GALNT16: variants seen among roughly 807,000 people sequenced by gnomAD.
GALNT16 encodes UDP-GalNAc:polypeptide N-acetylgalactosaminyltransferase-like protein 1.
A neutral mutation model predicts 76.1 loss-of-function variants in GALNT16; 40 were observed. That is an observed-to-expected ratio of 0.53 (90% CI 0.41 to 0.68). The LOEUF (loss-of-function observed/expected upper bound fraction) is 0.68. Ranked by LOEUF, GALNT16 falls within the 30% of genes least tolerant of loss-of-function variation. The pLI is 0.00. For missense variants in GALNT16, 621 were observed against 731.9 expected, an observed-to-expected ratio of 0.85 and a Z score of 1.75; for synonymous variants, 276 against 285.2, an observed-to-expected ratio of 0.97 and a Z score of 0.32.
intron 2 of GALNT16, among the ~76,000 whole-genome samples, chr14:69,322,976 GTGTGTGCGCGCGCACGCGCGCACGCA>G (rs1465490829): frequency 0.092 from 4,699 of 51,168 alleles, 275 homozygotes; most frequent in African/African-American, 0.27. Context: ...GTGTGTGTGT[GTGTGTGCGCGCGCACGCGCGCACGCA>G]TGCACACGTG....
At chr14:69,262,239 G>GCA (rs1430051340) in intron 1 of GALNT16, among the ~76,000 whole-genome samples, 1 of 152,204 alleles carries the variant, frequency 6.6e-6, no homozygotes, top group Non-Finnish European at 1.5e-5. Flanking sequence ...AGGGAAGAGA[G>GCA]CACAGGAGAC....
the GALNT16 span, chr14:69,380,616 G>A: frequency 1.2e-6 from 2 of 1,611,070 alleles, no homozygotes; most frequent in Admixed American, 3.3e-5. Context: ...TATAAGGCTG[G>A]TATGTCTGGG....
chr14:69,371,293 G>A, the GALNT16 span, among the ~76,000 whole-genome samples: 22 of 151,828 alleles, frequency 1.4e-4, no homozygotes, highest in Non-Finnish European at 2.2e-4. Context: ...TCACTCTGTC[G>A]CCAGGCTGGA....
At chr14:69,351,675 A>G in intron 14 of GALNT16, 1 of 172,418 alleles carries the variant, frequency 5.8e-6, no homozygotes, top group Non-Finnish European at 1.2e-5. Context: ...TTGGAAGGCC[A>G]AGACAGGTGG....
At chr14:69,314,467 T>C (rs1287403155) in intron 1 of GALNT16, among the ~76,000 whole-genome samples, 2 of 152,210 alleles carry the variant, frequency 1.3e-5, no homozygotes, top group Non-Finnish European at 2.9e-5. Flanking sequence ...AGCAGACTCC[T>C]GAGGGACCCT....
At chr14:69,270,690 G>A (rs143171345) in intron 1 of GALNT16, among the ~76,000 whole-genome samples, 1 of 152,166 alleles carries the variant, frequency 6.6e-6, no homozygotes, top group Non-Finnish European at 1.5e-5. Flanking sequence ...CACTTCTGAC[G>A]CCTCACACAT....
chr14:69,366,771 A>T, the GALNT16 span, among the ~76,000 whole-genome samples: 1 of 152,224 alleles, frequency 6.6e-6, no homozygotes, highest in South Asian at 2.1e-4. Context: ...CTAATTGATT[A>T]ATGAATCACA....
chr14:69,293,734 G>C (rs987140466), intron 1 of GALNT16, among the ~76,000 whole-genome samples: 1 of 152,110 alleles, frequency 6.6e-6, no homozygotes, highest in Non-Finnish European at 1.5e-5. Context: ...TGAGGCTTAA[G>C]CGCATTAATA....
intron 1 of GALNT16, among the ~76,000 whole-genome samples, chr14:69,311,708 G>C (rs1265714503): frequency 2.0e-5 from 3 of 152,066 alleles, no homozygotes; most frequent in Admixed American, 2.0e-4. Context: ...CTCTGTTTTT[G>C]GCTCTCTCTT....
chr14:69,366,927 A>C, the GALNT16 span, among the ~76,000 whole-genome samples: 19 of 152,364 alleles, frequency 1.2e-4, no homozygotes, highest in African/African-American at 3.8e-4. Context: ...CCATGTCAGA[A>C]CATGCTGGGG....
At chr14:69,283,843 C>T (rs2044575563) in intron 1 of GALNT16, among the ~76,000 whole-genome samples, 1 of 152,186 alleles carries the variant, frequency 6.6e-6, no homozygotes, top group African/African-American at 2.4e-5. Context: ...TGTATTCATT[C>T]ATTTAAGATA....
intron 1 of GALNT16, among the ~76,000 whole-genome samples, chr14:69,273,695 A>G (rs1174874803): frequency 6.6e-6 from 1 of 152,202 alleles, no homozygotes; most frequent in African/African-American, 2.4e-5. Flanking sequence ...AATCCTAGCT[A>G]AGGAGATGTG....
Position 69,333,313 on chromosome 14 carries a change from A to C in GALNT16, c.863+144A>C. On this transcript the variant is annotated intron_variant, in intron 8 of 14. Transcript: ENST00000448469. This position sits in a 1 kb window ranked among gnomAD's most constrained non-coding sequence, Gnocchi z 4.2. Reference sequence around the variant, plus strand: ...TTCTGGGCCTTCGGACCCTGTATGCAGGGACAGCGAGGACAGAGGCCACGG... The same window carrying C: ...TTCTGGGCCTTCGGACCCTGTATGCCGGGACAGCGAGGACAGAGGCCACGG... The C allele has an allele frequency of 1.4e-6, 1 of 697,374 alleles. No individual in the cohort carries two copies. The highest frequency in any genetic ancestry group is 2.5e-6 in the Non-Finnish European group (1 of 397,324). 43.2% of individuals were successfully genotyped at this position (697,374 alleles called of 1,614,324 possible).
chr14:69,347,001 G>A (rs200433944), intron 12 of GALNT16, 39 bp from the exon 13 acceptor site: 21 of 1,613,420 alleles, frequency 1.3e-5, no homozygotes, highest in African/African-American at 4.0e-5. Flanking sequence ...TAAGCCTTGG[G>A]GGGGAAAGCA....
chr14:69,280,616 C>T (rs115593026), intron 1 of GALNT16, among the ~76,000 whole-genome samples: 2,097 of 152,212 alleles, frequency 0.014, 56 homozygotes, highest in African/African-American at 0.048. Context: ...TGAGGAATCA[C>T]CATAACTTTT....
the GALNT16 span, among the ~76,000 whole-genome samples, chr14:69,362,236 A>C: frequency 6.6e-6 from 1 of 152,168 alleles, no homozygotes; most frequent in East Asian, 1.9e-4. Flanking sequence ...CCTCCTGGCC[A>C]GGGGTATTTG....
At chr14:69,326,693 C>A (rs574510870) in intron 5 of GALNT16, among the ~76,000 whole-genome samples, 1 of 152,362 alleles carries the variant, frequency 6.6e-6, no homozygotes, top group Non-Finnish European at 1.5e-5. Context: ...AGGCATCAGT[C>A]AGGGGTATGG....
Position 69,341,686 on chromosome 14 carries a change from C to T in GALNT16, c.1193C>T (p.Ala398Val). ...SAIGKAFGSV[A>V]TRIEQRKKMN... ...AGCCCTGCCTCCTCCTACAGTGTGG[C>T]TACGCGGATAGAGCAGAGGAAGAAG... is the stretch of plus-strand genomic sequence containing the variant. Residue 398 changes from alanine (A) to valine (V), a missense_variant, in exon 12 of 15, where the codon GCT (alanine) becomes GTT (valine). By Grantham distance (64) the Ala-to-Val change is moderately conservative. Transcript: ENST00000448469. 1 of 1,609,828 alleles carries T rather than the reference C, an allele frequency of 6.2e-7. No homozygotes were observed. The highest frequency in any genetic ancestry group is 8.5e-7 in the Non-Finnish European group (1 of 1,177,200).
At chr14:69,328,334 C>T (rs916502212) in intron 5 of GALNT16, 116 bp from the exon 6 acceptor site, 51 of 1,086,650 alleles carry the variant, frequency 4.7e-5, no homozygotes, top group Non-Finnish European at 6.5e-5. Flanking sequence ...AATCTAATCA[C>T]AATAACTCAG....
Sources: gnomAD v4.1 joint callset for allele counts (sites outside exome capture counted in the v4.1 genomes callset) on GRCh38, gnomAD v4.1.1 for gene constraint, Gnocchi (gnomAD v3.1) non-coding constraint, MANE v1.5 for transcripts, NCBI Gene and HGNC (gene_info 2026-07-23, HGNC 2026-07-21) for gene names.